ACACA: variants seen among roughly 807,000 people sequenced by gnomAD.
ACACA encodes acetyl-CoA carboxylase 1.
ACACA carries 103 observed loss-of-function variants against 296.1 expected under a neutral mutation model. The observed-to-expected ratio is 0.35, with a 90% confidence interval of 0.30 to 0.41. ACACA has a LOEUF of 0.41. ACACA is among the 10% of genes least tolerant of loss of function. The pLI is 1.00. For synonymous variants in ACACA, 953 were observed against 1,038.6 expected (o/e 0.92, Z 1.58); for missense variants, 1,554 against 2,989.7 (o/e 0.52, Z 11.20).
At position 37,160,314 on chromosome 17, in the gene ACACA, C is replaced by G. The variant is rs549328636; in HGVS notation, c.5349+1467G>C. Among the ~76,000 whole-genome samples the G allele has an allele frequency of 3.9e-5, 6 of 152,302 alleles. No homozygotes were observed. In the South Asian group the frequency reaches 8.3e-4, roughly 21 times the overall value. ...TCAAATGTACAAGAGGAGGGATTGT[C>G]TTTAGACAGAAGTAGGAACTATTCA... On this transcript the variant is annotated intron_variant, in intron 42 of 55. Transcript: ENST00000616317.
intron 1 of ACACA, among the ~76,000 whole-genome samples, chr17:37,364,640 C>A (rs139110498): frequency 4.0e-5 from 6 of 148,748 alleles, no homozygotes; most frequent in African/African-American, 1.6e-4. Context: ...TGAAGAGCCC[C>A]CCCTGTCCTG....
intron 1 of ACACA, among the ~76,000 whole-genome samples, chr17:37,342,472 CATAT>C (rs60075011): frequency 2.8e-5 from 3 of 105,606 alleles, no homozygotes; most frequent in Non-Finnish European, 3.7e-5. Context: ...CACACACACA[CATAT>C]ATTTTTAAAT....
At chr17:37,243,309 T>A (rs1172609930) in intron 22 of ACACA, 62 bp downstream of exon 22, 1 of 1,507,564 alleles carries the variant, frequency 6.6e-7, no homozygotes, top group Non-Finnish European at 9.2e-7. Flanking sequence ...TAGGAAGGAA[T>A]CCTACAACAT....
At chr17:37,139,040 G>GA (rs925158975) in intron 45 of ACACA, among the ~76,000 whole-genome samples, 1 of 152,172 alleles carries the variant, frequency 6.6e-6, no homozygotes, top group African/African-American at 2.4e-5. Context: ...TGGGGGAGAA[G>GA]AAAGGCTGAA....
At chr17:37,108,458 G>A (rs578161545) in intron 52 of ACACA, among the ~76,000 whole-genome samples, 14 of 151,430 alleles carry the variant, frequency 9.2e-5, no homozygotes, top group East Asian at 1.9e-4. Context: ...GCGCGATCTC[G>A]GCTCACTGCA....
intron 33 of ACACA, 30 bp from the exon 34 acceptor site, chr17:37,200,513 T>TA: frequency 6.3e-7 from 1 of 1,577,570 alleles, no homozygotes. Context: ...AAACAGAAGA[T>TA]AGATGAGATT....
chr17:37,174,095 A>C (rs1218751414), intron 41 of ACACA, among the ~76,000 whole-genome samples: 11 of 135,552 alleles, frequency 8.1e-5, no homozygotes, highest in Non-Finnish European at 1.2e-4. Context: ...TCCTGGCGTC[A>C]AGTGATCCGC....
At chr17:37,214,719 A>C (rs1306731585) in intron 29 of ACACA, among the ~76,000 whole-genome samples, 1 of 152,226 alleles carries the variant, frequency 6.6e-6, no homozygotes, top group East Asian at 1.9e-4. Context: ...TAAGCACTTA[A>C]ACCTGCTGAG....
chr17:37,270,642 A>G lies in ACACA; in HGVS notation c.1119+109T>C, dbSNP rs370760595. 3.0e-4 allele frequency: 258 copies of G among 868,800 alleles called. 1 individual carries two copies. The African/African-American group carries it at 3.6e-3, about 12-fold the overall frequency. The allele number at this position is 868,800 out of a possible 1,614,324, so 53.8% of individuals were successfully genotyped here. The stretch of plus-strand genomic sequence containing the variant: ...GAGAGAAAGACAGTTAGCTATAGAC[A>G]AAATTAAAAATTAAATATTTTCTGG... On this transcript the variant is annotated intron_variant, in intron 10 of 55. Transcript: ENST00000616317.
At chr17:37,296,454 C>G (rs1268711088) in intron 3 of ACACA, among the ~76,000 whole-genome samples, 1 of 151,686 alleles carries the variant, frequency 6.6e-6, no homozygotes, top group Non-Finnish European at 1.5e-5. Context: ...TAGAGGCGCC[C>G]GCCACCACGC....
chr17:37,214,802 A>G (rs1248131311), intron 29 of ACACA, among the ~76,000 whole-genome samples: 2 of 152,178 alleles, frequency 1.3e-5, no homozygotes, highest in Non-Finnish European at 2.9e-5. Context: ...GCACTGTAAG[A>G]TTTCATTTAT....
chr17:37,356,667 C>T lies in ACACA; in HGVS notation c.39-16817G>A, dbSNP rs182275533. Among the ~76,000 whole-genome samples the T allele has an allele frequency of 1.6e-4, 25 of 152,130 alleles. No homozygotes were observed. In the East Asian group the frequency reaches 4.1e-3, roughly 25 times the overall value. ...TGCTAGGATTACAGGAGTGAGCCAC[C>T]GCGCCCGGCAGCTTCTATAATTGTT... On this transcript the variant is annotated intron_variant, in intron 1 of 55. Coordinates refer to ENST00000616317, the MANE Select transcript of ACACA (RefSeq NM_198834.3).
chr17:37,316,658 A>T (rs2047108137), intron 3 of ACACA, among the ~76,000 whole-genome samples: 1 of 152,216 alleles, frequency 6.6e-6, no homozygotes, highest in African/African-American at 2.4e-5. Flanking sequence ...AAAACTAAAA[A>T]TAGAGCTTCC....
At chr17:37,235,141 T>C (rs761181593) in intron 24 of ACACA, 42 bp from the exon 25 acceptor site, 1 of 1,610,446 alleles carries the variant, frequency 6.2e-7, no homozygotes, top group East Asian at 2.2e-5. Flanking sequence ...CATGTATAAA[T>C]GTTCACATTT....
chr17:37,365,068 G>A (rs1045974142), intron 1 of ACACA, among the ~76,000 whole-genome samples: 1 of 152,048 alleles, frequency 6.6e-6, no homozygotes, highest in Admixed American at 6.6e-5. Context: ...CGCCTCCCGG[G>A]TTCAAGTGAT....
chr17:37,105,857 T>G (rs1384629179), intron 52 of ACACA, among the ~76,000 whole-genome samples: 1 of 124,410 alleles, frequency 8.0e-6, no homozygotes, highest in Non-Finnish European at 1.5e-5. Context: ...AGAGCGAAAC[T>G]CTGTCTCAAA....
chr17:37,263,185 T>C (rs1035419929), intron 11 of ACACA, among the ~76,000 whole-genome samples: 1 of 152,240 alleles, frequency 6.6e-6, no homozygotes, highest in African/African-American at 2.4e-5. Flanking sequence ...GAAAAGACTA[T>C]GTTCAGGCCT....
rs71159693 is a variant in ACACA, at chr17:37,174,020, A to ATTTTTTT, written c.5079+5233_5079+5239dup. Among the ~76,000 whole-genome samples, 27 of 16,796 alleles carry ATTTTTTT rather than the reference A, an allele frequency of 1.6e-3. 1 individual carries two copies. Among genetic ancestry groups the ATTTTTTT allele is most frequent in the East Asian group, 5.6e-3 (3 of 532 alleles). The allele number at this position is 16,796 out of a possible 152,430, so 11.0% of individuals were successfully genotyped here. A position where few individuals can be genotyped will look rare whatever the true frequency, so the allele number is the denominator to read the frequency against. On this transcript the variant is annotated intron_variant, in intron 41 of 55. Transcript: ENST00000616317. ...TATATATATATATATATATATATAT[A>ATTTTTTT]TTTTTTTTTTTTTTTTTTTTTGTAG...
intron 52 of ACACA, 106 bp from the exon 53 acceptor site, chr17:37,098,090 C>T (rs1041993650): frequency 5.9e-5 from 82 of 1,385,536 alleles, no homozygotes; most frequent in Non-Finnish European, 8.2e-5. Flanking sequence ...GCCCCCTCTT[C>T]CCTCTGTGGC....
Sources: gnomAD v4.1 joint callset for allele counts (sites outside exome capture counted in the v4.1 genomes callset) on GRCh38, gnomAD v4.1.1 for gene constraint, MANE v1.5 for transcripts, NCBI Gene and HGNC (gene_info 2026-07-23, HGNC 2026-07-21) for gene names.